Variants in FUT8 observed in about 807,000 individuals in gnomAD.
FUT8 encodes fucosyltransferase 8, also known as alpha-(1,6)-fucosyltransferase.
FUT8 carries 29 observed loss-of-function variants against 71.3 expected under a neutral mutation model. The ratio of observed to expected loss-of-function variants is 0.41; its 90% CI spans 0.30 to 0.55. FUT8 has a LOEUF of 0.55. Among genes scored for constraint, FUT8 ranks in the 20% least tolerant of loss-of-function variants. The pLI is 0.34. For missense variants in FUT8, 544 were observed against 702.1 expected (o/e 0.77, Z 2.55); for synonymous variants, 254 against 239.3 (o/e 1.06, Z -0.57).
rs1227397723 is a variant in FUT8 at position 65,467,055 on chromosome 14, T to A, written c.-228+11337T>A. ...AACAAAAGATTTAGTTTTACCTTTA[T>A]TTTTTTCCTCTACACTCTTCCTTTC... On this transcript the variant is annotated intron_variant, in intron 2 of 10. Transcript: ENST00000673929. This position sits in a 1 kb window ranked among gnomAD's most constrained non-coding sequence, Gnocchi z 4.1. Among the ~76,000 whole-genome samples the A allele has an allele frequency of 6.6e-6, 1 of 152,130 alleles. No individual in the cohort carries two copies. The highest frequency in any genetic ancestry group is 1.5e-5 in the Non-Finnish European group (1 of 68,024).
intron 9 of FUT8, among the ~76,000 whole-genome samples, chr14:65,727,076 A>G (rs183434680): frequency 6.6e-6 from 1 of 152,154 alleles, no homozygotes; most frequent in African/African-American, 2.4e-5. Flanking sequence ...CTCCACCCCT[A>G]TGGCTTTGCA....
chr14:65,645,195 A>G (rs1891064889), intron 6 of FUT8, among the ~76,000 whole-genome samples: 1 of 152,248 alleles, frequency 6.6e-6, no homozygotes, highest in Non-Finnish European at 1.5e-5. Context: ...GTAAATTCAC[A>G]TGGAATCTGT....
chr14:65,595,904 C>T (rs368645694), intron 3 of FUT8, among the ~76,000 whole-genome samples: 38 of 152,194 alleles, frequency 2.5e-4, no homozygotes, highest in South Asian at 4.2e-4. Context: ...CCACCACGCG[C>T]GGCCCACACC....
rs2066496285 is a variant in FUT8 at position 65,492,474 on chromosome 14, C to T, written c.-228+36756C>T. On this transcript the variant is annotated intron_variant, in intron 2 of 10. Coordinates refer to ENST00000673929, the MANE Select transcript of FUT8 (RefSeq NM_001371533.1). Reference sequence around the variant, plus strand: ...CCAGTCCAGCTGTTTTTGTACGTCACTTCCTTTTTCTGTATGTCACTTCCT... The same window carrying T: ...CCAGTCCAGCTGTTTTTGTACGTCATTTCCTTTTTCTGTATGTCACTTCCT... 2.0e-5 allele frequency among the ~76,000 whole-genome samples: 3 copies of T among 152,180 alleles called. No homozygotes were observed. The South Asian group carries it at 6.2e-4, about 31-fold the overall frequency.
At chr14:65,571,470 G>A (rs937755422) in intron 3 of FUT8, among the ~76,000 whole-genome samples, 1 of 152,054 alleles carries the variant, frequency 6.6e-6, no homozygotes. Context: ...AGGAAGTGTG[G>A]GAACAGCATC....
chr14:65,658,701 G>C (rs1891814493), intron 6 of FUT8, among the ~76,000 whole-genome samples: 1 of 152,088 alleles, frequency 6.6e-6, no homozygotes, highest in Non-Finnish European at 1.5e-5. Context: ...TGCTCTTAAA[G>C]TGACTAAATT....
chr14:65,470,921 G>A (rs1673087853), intron 2 of FUT8, among the ~76,000 whole-genome samples: 1 of 151,966 alleles, frequency 6.6e-6, no homozygotes, highest in African/African-American at 2.4e-5. Flanking sequence ...TCCCTGTGCC[G>A]TCCATGTACC....
intron 2 of FUT8, among the ~76,000 whole-genome samples, chr14:65,456,017 CGTT>C (rs1180118968): frequency 3.7e-4 from 56 of 152,220 alleles, no homozygotes; most frequent in African/African-American, 1.1e-3. Flanking sequence ...CTTTTGGCAT[CGTT>C]GTGTGGCATA....
the FUT8 span, among the ~76,000 whole-genome samples, chr14:65,362,918 C>A: frequency 3.9e-4 from 50 of 128,708 alleles, no homozygotes; most frequent in African/African-American, 1.3e-3. Context: ...GCTGAGTTTG[C>A]GCCTCTGTAC....
At position 65,724,295 on chromosome 14, in the gene FUT8, C is replaced by A. The variant is rs2139360806; in HGVS notation, c.1231C>A (p.Pro411Thr). ...AAGAGTGTATTTGGCCACAGATGAC[C>A]CTTCTTTATTAAAGGAGGCAAAAAC... is the stretch of plus-strand genomic sequence containing the variant. ...KKRVYLATDD[P>T]SLLKEAKTKY... Residue 411 changes from proline to threonine, a missense_variant, in exon 9 of 11, where the codon CCT (proline) becomes ACT (threonine). Transcript: ENST00000673929. 2.5e-6 allele frequency: 4 copies of A among 1,608,584 alleles called. No individual in the cohort carries two copies. The highest frequency in any genetic ancestry group is 1.3e-5 in the African/African-American group (1 of 74,798).
At chr14:65,739,820 T>A (rs1442452123) in intron 10 of FUT8, among the ~76,000 whole-genome samples, 1 of 152,110 alleles carries the variant, frequency 6.6e-6, no homozygotes, top group African/African-American at 2.4e-5. Flanking sequence ...ATTTACCACT[T>A]ATTAGTATAA....
At chr14:65,585,623 A>G (rs1250364844) in intron 3 of FUT8, among the ~76,000 whole-genome samples, 1 of 152,246 alleles carries the variant, frequency 6.6e-6, no homozygotes, top group African/African-American at 2.4e-5. Flanking sequence ...TGCAACTATG[A>G]TTACTTGTGT....
intron 2 of FUT8, among the ~76,000 whole-genome samples, chr14:65,527,059 A>G (rs1168774603): frequency 6.6e-6 from 1 of 152,084 alleles, no homozygotes; most frequent in South Asian, 2.1e-4. Context: ...GCTCTTCTCA[A>G]GGAGTATCTT....
At chr14:65,686,140 G>A (rs1165264426) in intron 7 of FUT8, among the ~76,000 whole-genome samples, 1 of 152,184 alleles carries the variant, frequency 6.6e-6, no homozygotes, top group African/African-American at 2.4e-5. Flanking sequence ...TACCTACCAT[G>A]TGGAGAAGAC....
chr14:65,549,741 A>G (rs1885181126), intron 2 of FUT8, among the ~76,000 whole-genome samples: 1 of 152,224 alleles, frequency 6.6e-6, no homozygotes, highest in Non-Finnish European at 1.5e-5. Flanking sequence ...AAGGTGATGC[A>G]GCTGTGGTGA....
chr14:65,722,739 A>G (rs60007350), intron 8 of FUT8, among the ~76,000 whole-genome samples: 3,881 of 152,314 alleles, frequency 0.025, 158 homozygotes, highest in African/African-American at 0.089. Flanking sequence ...GATAGAATAG[A>G]TGTTCATATG....
intron 1 of FUT8, among the ~76,000 whole-genome samples, chr14:65,444,923 C>A (rs1057051929): frequency 6.6e-6 from 1 of 152,148 alleles, no homozygotes; most frequent in East Asian, 1.9e-4. Context: ...AAAGGGCTTG[C>A]GGCCGGGCAT....
At chr14:65,432,393 C>CTTT (rs5809274) in intron 1 of FUT8, among the ~76,000 whole-genome samples, 1 of 144,322 alleles carries the variant, frequency 6.9e-6, no homozygotes, top group African/African-American at 2.6e-5. Flanking sequence ...TTCTACTTTC[C>CTTT]TTTTTTTTTT....
intron 1 of FUT8, among the ~76,000 whole-genome samples, chr14:65,430,561 T>A (rs889573676): frequency 6.6e-6 from 1 of 152,180 alleles, no homozygotes; most frequent in Non-Finnish European, 1.5e-5. Flanking sequence ...CGTCAGAAGA[T>A]ATAGCCATTT....
Sources: allele counts gnomAD v4.1 joint callset (sites outside exome capture counted in the v4.1 genomes callset), GRCh38; gene constraint gnomAD v4.1.1; non-coding constraint Gnocchi (gnomAD v3.1); transcripts MANE v1.5; gene names NCBI Gene and HGNC (gene_info 2026-07-23, HGNC 2026-07-21).